Variants in EMC3 observed in about 807,000 individuals in gnomAD.
EMC3 encodes the protein ER membrane protein complex subunit 3.
A neutral mutation model predicts 36.6 loss-of-function variants in EMC3; 13 were observed. The observed-to-expected ratio is 0.35, with a 90% CI of 0.23 to 0.56. The LOEUF (loss-of-function observed/expected upper bound fraction) is 0.56. Ranked by LOEUF, EMC3 falls within the 20% of genes least tolerant of loss-of-function variation. EMC3 has a pLI of 0.84. For synonymous variants in EMC3, 120 were observed against 111.9 expected, an observed-to-expected ratio of 1.07 and a Z score of -0.46; for missense variants, 220 against 324.5, an observed-to-expected ratio of 0.68 and a Z score of 2.47.
intron 1 of EMC3, chr3:10,008,734 C>G (rs1478050940): frequency 3.2e-6 from 1 of 309,720 alleles, no homozygotes; most frequent in African/African-American, 2.2e-5. Context: ...TCCCAGTACT[C>G]TGCTTTGTCC....
chr3:9,977,257 A>C, intron 2 of EMC3, 132 bp downstream of exon 2: 1 of 914,538 alleles, frequency 1.1e-6, no homozygotes, highest in South Asian at 1.7e-5. Context: ...ATGAGAGCAA[A>C]CACCACCAGG....
At chr3:9,977,341 T>C in intron 2 of EMC3, 48 bp downstream of exon 2, 3 of 1,541,436 alleles carry the variant, frequency 1.9e-6, no homozygotes, top group Non-Finnish European at 2.7e-6. Flanking sequence ...AGATATCTAC[T>C]GCCCAACAGT....
chr3:10,003,781 C>G (rs1255754064), intron 1 of EMC3: 1 of 164,306 alleles, frequency 6.1e-6, no homozygotes, highest in Non-Finnish European at 1.4e-5. Context: ...AGGAGGACAC[C>G]CACGCAACCA....
rs187284465 is a variant in EMC3 at position 9,963,758 on chromosome 3, G to T, written c.*311C>A. 10 of 211,104 alleles carry T rather than the reference G, an allele frequency of 4.7e-5. No individual in the cohort carries two copies. The East Asian group carries it at 1.3e-3, about 27-fold the overall frequency. The allele number at this position is 211,104 out of a possible 1,614,324, so 13.1% of individuals were successfully genotyped here. On this transcript the variant is annotated 3_prime_UTR_variant, in exon 8 of 8. Transcript: ENST00000245046. ...CCCAAAATCCTGGGATTACAGGCGT[G>T]AGCCACTGCGCCTGGCCAAGATTTT...
At position 9,976,493 on chromosome 3, in the gene EMC3, CCAAA is replaced by C. The variant is rs1441923696; in HGVS notation, c.307+460_307+463del. Among the ~76,000 whole-genome samples the C allele has an allele frequency of 4.6e-5, 7 of 152,174 alleles. No individual in the cohort carries two copies. The East Asian group carries it at 1.3e-3, about 29-fold the overall frequency. Reference sequence around the variant, plus strand: ...GTTAGAGCCAAAACTGTAGGGTAGACCAAACAATCACGTCTAACAACAAAGTCAA... The same window carrying C: ...GTTAGAGCCAAAACTGTAGGGTAGACCAATCACGTCTAACAACAAAGTCAA... On this transcript the variant is annotated intron_variant, in intron 3 of 7. Transcript: ENST00000245046.
At chr3:9,966,368 G>A (rs1471870085) in intron 7 of EMC3, among the ~76,000 whole-genome samples, 8 of 144,698 alleles carry the variant, frequency 5.5e-5, no homozygotes, top group East Asian at 4.2e-4. Flanking sequence ...GACTACAGGC[G>A]CCCGCCACCA....
At chr3:9,980,361 A>G (rs2085896830) in intron 1 of EMC3, among the ~76,000 whole-genome samples, 4 of 146,314 alleles carry the variant, frequency 2.7e-5, no homozygotes. Context: ...AAGGAAACTA[A>G]TGAAGGATTT....
chr3:9,990,447 A>T (rs1456379072), upstream of EMC3, among the ~76,000 whole-genome samples: 1 of 140,176 alleles, frequency 7.1e-6, no homozygotes, highest in African/African-American at 2.7e-5. Context: ...CGATCCCCCC[A>T]CCTCAGTCTT....
At chr3:9,989,401 A>C (rs1248671534), upstream of EMC3, among the ~76,000 whole-genome samples, 6 of 152,184 alleles carry the variant, frequency 3.9e-5, no homozygotes, top group African/African-American at 1.4e-4. Context: ...AAATACAAAA[A>C]AAAAATTAGC....
At chr3:9,972,914 C>T (rs943956039) in intron 5 of EMC3, among the ~76,000 whole-genome samples, 3 of 150,426 alleles carry the variant, frequency 2.0e-5, no homozygotes, top group East Asian at 2.0e-4. Flanking sequence ...CTGCAAGCTC[C>T]GCCTCCTGGG....
chr3:9,982,012 G>A (rs575408459), intron 1 of EMC3, among the ~76,000 whole-genome samples: 31 of 150,358 alleles, frequency 2.1e-4, no homozygotes, highest in African/African-American at 7.1e-4. Flanking sequence ...GTACAGTGGC[G>A]TGATCTCGGC....
intron 1 of EMC3, among the ~76,000 whole-genome samples, chr3:9,999,353 T>C (rs1433406149): frequency 1.3e-5 from 2 of 151,974 alleles, no homozygotes. Flanking sequence ...ACAATTCTCC[T>C]GCCTCAGCCT....
chr3:9,980,558 T>G (rs1231703548), intron 1 of EMC3, among the ~76,000 whole-genome samples: 1 of 149,964 alleles, frequency 6.7e-6, no homozygotes, highest in Non-Finnish European at 1.5e-5. Flanking sequence ...TTTTTTGTTT[T>G]TTTTTTTTTT....
Position 9,986,759 on chromosome 3 carries a change from C to T in EMC3, c.-98G>A, listed in dbSNP as rs2085978330. On this transcript the variant is annotated 5_prime_UTR_variant, in exon 1 of 8. Transcript: ENST00000245046. ...GCTTCGCCTCCGGGCCTTCTCAAGC[C>T]CCTTTGCCCGTGTACCCCAGAACTC... 1 of 1,551,494 alleles carries T rather than the reference C, an allele frequency of 6.4e-7. No individual in the cohort carries two copies. Among genetic ancestry groups the T allele is most frequent in the African/African-American group, 1.4e-5 (1 of 72,918 alleles).
At chr3:9,990,016 C>T (rs2086028312), upstream of EMC3, among the ~76,000 whole-genome samples, 1 of 150,056 alleles carries the variant, frequency 6.7e-6, no homozygotes, top group Non-Finnish European at 1.5e-5. Flanking sequence ...GAATACACTC[C>T]CAGTGTTTTC....
At chr3:9,977,975 A>T (rs1464660264) in intron 1 of EMC3, among the ~76,000 whole-genome samples, 1 of 151,982 alleles carries the variant, frequency 6.6e-6, no homozygotes, top group Non-Finnish European at 1.5e-5. Flanking sequence ...TGAAATTACT[A>T]GGTGATCTTA....
At chr3:9,970,735 C>T in intron 5 of EMC3, 74 bp from the exon 6 acceptor site, 2 of 1,478,826 alleles carry the variant, frequency 1.4e-6, no homozygotes, top group African/African-American at 1.4e-5. Flanking sequence ...TTCCCTACCA[C>T]CCAAAGTTGT....
At position 10,000,063 on chromosome 3, in the gene EMC3, A is replaced by C. The variant is rs150663573; in HGVS notation, c.-242+10960T>G. ...TTTTTTGGGGTTTTTTTTGAGATGG[A>C]GTCTTGCTTAGTCATTCTGGCTGGA... On this transcript the variant is annotated intron_variant, in intron 1 of 8. Transcript: ENST00000470827. 3.4e-3 allele frequency among the ~76,000 whole-genome samples: 522 copies of C among 151,666 alleles called. 5 individuals are homozygous for C. Among genetic ancestry groups the C allele is most frequent in the African/African-American group, 0.012 (502 of 41,324 alleles).
chr3:9,969,819 C>T lies in EMC3; in HGVS notation c.575-18G>A, dbSNP rs2085767610. ...GTCAGCGGCTGTAGCATAAGACACACTTACATGAGTGCCAGGACTCAGCAA... is the reference window on the plus strand; with the variant it reads ...GTCAGCGGCTGTAGCATAAGACACATTTACATGAGTGCCAGGACTCAGCAA... On this transcript the variant is annotated intron_variant, in intron 6 of 7. Transcript: ENST00000245046. 1 of 1,611,972 alleles carries T rather than the reference C, an allele frequency of 6.2e-7. No homozygotes were observed. The highest frequency in any genetic ancestry group is 1.7e-5 in the Admixed American group (1 of 59,944).
Sources: gnomAD v4.1 joint callset for allele counts (sites outside exome capture counted in the v4.1 genomes callset) on GRCh38, gnomAD v4.1.1 for gene constraint, MANE v1.5 for transcripts, NCBI Gene and HGNC (gene_info 2026-07-23, HGNC 2026-07-21) for gene names.